The following RANBP17 variants were observed in gnomAD, a reference collection of about 807,000 sequenced individuals.
RANBP17 encodes ran-binding protein 17.
A neutral mutation model predicts 141.2 loss-of-function variants in RANBP17; 158 were observed. The ratio of observed to expected loss-of-function variants is 1.12; its 90% CI spans 0.98 to 1.28. The LOEUF is 1.28. Among genes scored for constraint, RANBP17 ranks in the 50% most tolerant of loss-of-function variants. The probability of loss-of-function intolerance (pLI) is 0.00; values close to 1 mark genes in which losing one functional copy is unlikely to be tolerated. For missense variants in RANBP17, 1,438 were observed against 1,290.7 expected, an observed-to-expected ratio of 1.11 and a Z score of -1.75; for synonymous variants, 430 against 450.0, an observed-to-expected ratio of 0.96 and a Z score of 0.56.
In RANBP17 at chr5:170,919,598, T is replaced by C; in HGVS notation, c.1259T>C (p.Val420Ala). The change falls in exon 11 of 28, where the codon GTT (valine) becomes GCT (alanine). Residue 420 changes from valine to alanine, a missense_variant. By Grantham distance (64) the Val-to-Ala change is moderately conservative (BLOSUM62 0). Coordinates refer to ENST00000523189, the MANE Select transcript of RANBP17 (RefSeq NM_022897.5). ...KAFITSRLDS[V>A]AIVVRDHLDD... ...TTTATCACTTCTCGGTTGGACTCTG[T>C]TGCCATAGTTGTGAGGTATTCAAAA... 8 of 1,593,888 alleles carry C rather than the reference T, an allele frequency of 5.0e-6. No individual in the cohort carries two copies. The highest frequency in any genetic ancestry group is 6.8e-6 in the Non-Finnish European group (8 of 1,174,160).
At chr5:171,155,092 AAAATAT>A (rs1462495153) in intron 14 of RANBP17, among the ~76,000 whole-genome samples, 1 of 91,250 alleles carries the variant, frequency 1.1e-5, no homozygotes, top group East Asian at 3.3e-4. Flanking sequence ...AAAAAAAAAA[AAAATAT>A]ATATATATAT....
chr5:171,139,593 C>G (rs1215322096), intron 14 of RANBP17, among the ~76,000 whole-genome samples: 3 of 152,166 alleles, frequency 2.0e-5, no homozygotes, highest in African/African-American at 7.2e-5. Flanking sequence ...TCCTTACTCT[C>G]TACCAAGTTC....
At chr5:171,137,968 T>TAC (rs1232685612) in intron 14 of RANBP17, among the ~76,000 whole-genome samples, 8 of 150,230 alleles carry the variant, frequency 5.3e-5, no homozygotes, top group African/African-American at 2.0e-4. Flanking sequence ...TATATATATA[T>TAC]ATACACACAC....
chr5:171,075,059 T>C (rs572179843), intron 14 of RANBP17, among the ~76,000 whole-genome samples: 1 of 152,282 alleles, frequency 6.6e-6, no homozygotes, highest in African/African-American at 2.4e-5. Context: ...AATCAGACCT[T>C]GGCGATGACC....
intron 4 of RANBP17, among the ~76,000 whole-genome samples, chr5:170,893,970 A>T (rs1366729025): frequency 6.6e-6 from 1 of 152,136 alleles, no homozygotes; most frequent in Non-Finnish European, 1.5e-5. Flanking sequence ...ATATAACTTC[A>T]TCATATAGTG....
intron 14 of RANBP17, among the ~76,000 whole-genome samples, chr5:171,093,917 G>C (rs1236856319): frequency 2.0e-5 from 3 of 152,196 alleles, no homozygotes; most frequent in Non-Finnish European, 4.4e-5. Context: ...TGAACACAGT[G>C]CCTGGCTCCT....
intron 21 of RANBP17, among the ~76,000 whole-genome samples, chr5:171,219,804 A>C (rs1266599017): frequency 2.6e-5 from 4 of 151,926 alleles, no homozygotes; most frequent in Non-Finnish European, 5.9e-5. Context: ...ACCTTTTATC[A>C]GTGTTCATAG....
At chr5:171,241,311 T>G (rs568132769) in intron 23 of RANBP17, among the ~76,000 whole-genome samples, 169 bp downstream of exon 23, 6 of 151,766 alleles carry the variant, frequency 4.0e-5, no homozygotes, top group African/African-American at 1.4e-4. Context: ...TGGCTTTTTT[T>G]TTTTTTTAGC....
intron 27 of RANBP17, among the ~76,000 whole-genome samples, chr5:171,296,670 T>G (rs1389551659): frequency 6.6e-6 from 1 of 152,228 alleles, no homozygotes; most frequent in Non-Finnish European, 1.5e-5. Flanking sequence ...CTCAGCACTT[T>G]GGGAAGCCGA....
intron 14 of RANBP17, among the ~76,000 whole-genome samples, chr5:170,980,791 C>T (rs1218203231): frequency 2.0e-5 from 3 of 152,296 alleles, no homozygotes; most frequent in East Asian, 1.9e-4. Context: ...GGGTTGGAGC[C>T]CCCACACAGA....
chr5:171,265,646 T>C (rs373386314), intron 24 of RANBP17, 35 bp from the exon 25 acceptor site: 77 of 1,505,728 alleles, frequency 5.1e-5, no homozygotes, highest in Non-Finnish European at 6.5e-5. Context: ...AAAACTTAAG[T>C]AATGCAAATG....
At chr5:171,077,167 G>A (rs2446045) in intron 14 of RANBP17, among the ~76,000 whole-genome samples, 92,837 of 151,748 alleles carry the variant, frequency 0.61, 29,760 homozygotes, top group South Asian at 0.88. Context: ...GTGAAACCCC[G>A]TCTCTACTAA....
intron 14 of RANBP17, among the ~76,000 whole-genome samples, chr5:171,136,497 G>T (rs530388863): frequency 3.0e-4 from 45 of 151,936 alleles, no homozygotes; most frequent in African/African-American, 1.1e-3. Flanking sequence ...CTCACTTTAG[G>T]TAAGATTATA....
chr5:171,048,751 G>A (rs1782758454), intron 14 of RANBP17, among the ~76,000 whole-genome samples: 2 of 152,082 alleles, frequency 1.3e-5, no homozygotes, highest in Admixed American at 6.6e-5. Context: ...CTGTTCCTGT[G>A]TTAGTTTGCT....
At chr5:171,126,078 G>A (rs1342091837) in intron 14 of RANBP17, among the ~76,000 whole-genome samples, 5 of 152,074 alleles carry the variant, frequency 3.3e-5, no homozygotes, top group East Asian at 1.9e-4. Flanking sequence ...GAGCCACTAC[G>A]CCCAGCCGTA....
At chr5:171,134,473 T>G (rs1017671167) in intron 14 of RANBP17, among the ~76,000 whole-genome samples, 2 of 152,210 alleles carry the variant, frequency 1.3e-5, no homozygotes, top group Non-Finnish European at 2.9e-5. Flanking sequence ...AATCTGTTTT[T>G]GAAGTTGTGG....
intron 14 of RANBP17, among the ~76,000 whole-genome samples, chr5:171,138,510 C>T (rs1757467133): frequency 6.7e-6 from 1 of 148,408 alleles, no homozygotes; most frequent in African/African-American, 2.5e-5. Context: ...ACAGTCCCAC[C>T]AGGCAGTTTC....
At chr5:171,196,061 A>C (rs1761960902) in intron 18 of RANBP17, among the ~76,000 whole-genome samples, 1 of 152,224 alleles carries the variant, frequency 6.6e-6, no homozygotes, top group Admixed American at 6.5e-5. Context: ...TTTCCTTCCC[A>C]GGGAACTTAC....
At chr5:171,194,175 C>A (rs1234083071) in intron 18 of RANBP17, among the ~76,000 whole-genome samples, 2 of 152,088 alleles carry the variant, frequency 1.3e-5, no homozygotes, top group East Asian at 3.9e-4. Context: ...GGGAGCAAAC[C>A]CAGATTTTTG....
Sources: gnomAD v4.1 joint callset for allele counts (sites outside exome capture counted in the v4.1 genomes callset) on GRCh38, gnomAD v4.1.1 for gene constraint, MANE v1.5 for transcripts, NCBI Gene and HGNC (gene_info 2026-07-23, HGNC 2026-07-21) for gene names.